Variants in ITPR1 observed in about 807,000 individuals in gnomAD.
The protein encoded by ITPR1 is inositol 1,4,5-trisphosphate-gated calcium channel ITPR1.
ITPR1 carries 96 observed loss-of-function variants against 318.4 expected under a neutral mutation model. The observed-to-expected ratio is 0.30, with a 90% confidence interval of 0.26 to 0.36. ITPR1 has a LOEUF of 0.36. Ranked by LOEUF, ITPR1 falls within the 10% of genes least tolerant of loss-of-function variation. The probability of loss-of-function intolerance (pLI) is 1.00; values close to 1 mark genes in which losing one functional copy is unlikely to be tolerated. For synonymous variants in ITPR1, 1,312 were observed against 1,289.9 expected (o/e 1.02, Z -0.37); for missense variants, 2,440 against 3,460.2 (o/e 0.71, Z 7.40).
chr3:4,614,124 G>A (rs1466311476), intron 4 of ITPR1, among the ~76,000 whole-genome samples: 2 of 152,204 alleles, frequency 1.3e-5, no homozygotes, highest in Admixed American at 1.3e-4. Context: ...AAATTAGCCA[G>A]GCGTGGCAGT....
chr3:4,696,013 C>G (rs1055042514), intron 33 of ITPR1, among the ~76,000 whole-genome samples: 1 of 152,184 alleles, frequency 6.6e-6, no homozygotes, highest in Non-Finnish European at 1.5e-5. Context: ...CATTCCTCCT[C>G]CCAACCCTGC....
chr3:4,534,338 G>C (rs1344596559), intron 4 of ITPR1, among the ~76,000 whole-genome samples: 1 of 152,044 alleles, frequency 6.6e-6, no homozygotes, highest in African/African-American at 2.4e-5. Flanking sequence ...TAGCTCCCCC[G>C]GTGGCGGCTA....
chr3:4,690,827 A>T (rs2094469121), intron 31 of ITPR1, among the ~76,000 whole-genome samples: 1 of 152,224 alleles, frequency 6.6e-6, no homozygotes, highest in Non-Finnish European at 1.5e-5. Context: ...ATAAGTCAAA[A>T]TAGTAGTTAA....
chr3:4,676,905 TGGG>T, intron 24 of ITPR1, 104 bp downstream of exon 24: 5 of 825,552 alleles, frequency 6.1e-6, no homozygotes, highest in Middle Eastern at 3.7e-4. Flanking sequence ...GGGAAGAAAA[TGGG>T]GGCAAATCCT....
At position 4,800,431 on chromosome 3, in the gene ITPR1, T is replaced by G; in HGVS notation, c.6938T>G (p.Leu2313Arg). Residue 2313 changes from leucine to arginine, a missense_variant, in exon 54 of 62, where the codon CTG (leucine) becomes CGG (arginine). Transcript: ENST00000649015. ...YPFKGVRGGTLEPHWSGLLWT... is the reference protein window; with the variant it reads ...YPFKGVRGGTREPHWSGLLWT... The stretch of plus-strand genomic sequence containing the variant: ...CCCTGTTTTGTCCTTGCAGGAACCC[T>G]GGAGCCCCACTGGTCGGGACTCCTG... 1 of 1,613,680 alleles carries G rather than the reference T, an allele frequency of 6.2e-7. No homozygotes were observed.
chr3:4,816,128 T>C (rs1174805768), intron 59 of ITPR1: 1 of 152,150 alleles, frequency 6.6e-6, no homozygotes, highest in Non-Finnish European at 1.5e-5. Flanking sequence ...ATTATCAAAA[T>C]TGGGAAATTA....
rs1043921033 is a variant in ITPR1, at chr3:4,826,156, C to T, written c.8028+7914C>T. Among the ~76,000 whole-genome samples, 2 of 152,240 alleles carry T rather than the reference C, an allele frequency of 1.3e-5. No homozygotes were observed. The highest frequency in any genetic ancestry group is 2.9e-5 in the Non-Finnish European group (2 of 68,050). Reference sequence around the variant, plus strand: ...GGCTGTTGATAAAGTGCCGTGGACACCTTCTGCTTCGTGCAGATGCACGAT... The same window carrying T: ...GGCTGTTGATAAAGTGCCGTGGACATCTTCTGCTTCGTGCAGATGCACGAT... On this transcript the variant is annotated intron_variant, in intron 60 of 61. Coordinates refer to ENST00000649015, the MANE Select transcript of ITPR1 (RefSeq NM_001378452.1). The surrounding 1 kb of genome is among the most constrained non-coding windows in gnomAD (Gnocchi z 4.2).
At chr3:4,568,563 G>A (rs553517882) in intron 4 of ITPR1, among the ~76,000 whole-genome samples, 40 of 152,276 alleles carry the variant, frequency 2.6e-4, no homozygotes, top group African/African-American at 7.5e-4. Flanking sequence ...AGAAGGCAGG[G>A]ATGGCTTCAA....
At chr3:4,713,642 A>G (rs528918588) in intron 39 of ITPR1, among the ~76,000 whole-genome samples, 51 of 152,368 alleles carry the variant, frequency 3.3e-4, no homozygotes, top group Non-Finnish European at 6.0e-4. Flanking sequence ...AATGCATGTT[A>G]TAAAGCTCAT....
chr3:4,634,609 A>T (rs897192518), intron 5 of ITPR1, among the ~76,000 whole-genome samples: 8 of 152,248 alleles, frequency 5.3e-5, no homozygotes, highest in Non-Finnish European at 1.2e-4. Context: ...ATCTGTGAGT[A>T]GGAAAAGCAA....
chr3:4,575,461 A>T (rs1485228754), intron 4 of ITPR1, among the ~76,000 whole-genome samples: 1 of 152,196 alleles, frequency 6.6e-6, no homozygotes, highest in Non-Finnish European at 1.5e-5. Context: ...AAATTTATTA[A>T]ATATCATCAC....
Position 4,613,945 on chromosome 3 carries a change from T to G in ITPR1, c.164-13818T>G, listed in dbSNP as rs1004057740. ...TTTCCAGTCCCCAAGAAGGTGCTTC[T>G]TTCCAGAAAATACCACCTCCACCTC... On this transcript the variant is annotated intron_variant, in intron 4 of 61. Coordinates refer to ENST00000649015, the MANE Select transcript of ITPR1 (RefSeq NM_001378452.1). Among the ~76,000 whole-genome samples the G allele has an allele frequency of 4.6e-5, 7 of 152,194 alleles. No homozygotes were observed. The East Asian group carries it at 1.3e-3, about 29-fold the overall frequency.
intron 55 of ITPR1, among the ~76,000 whole-genome samples, chr3:4,810,915 G>A (rs1194532217): frequency 6.6e-6 from 1 of 152,196 alleles, no homozygotes; most frequent in Non-Finnish European, 1.5e-5. Context: ...ACTCAATTCA[G>A]TACCTTCTAA....
chr3:4,668,040 C>G (rs553248637), intron 18 of ITPR1, among the ~76,000 whole-genome samples: 1 of 151,980 alleles, frequency 6.6e-6, no homozygotes, highest in African/African-American at 2.4e-5. Context: ...GGTATCCATC[C>G]CCTCAAACAT....
In ITPR1 at chr3:4,846,315, C is replaced by T; in HGVS notation, c.*90C>T. ...AGTTCTGATTCACCCACGAAGGTTA[C>T]ATTTATGCTGAATACATTTGTAAAT... On this transcript the variant is annotated 3_prime_UTR_variant, in exon 62 of 62. Coordinates refer to ENST00000649015, the MANE Select transcript of ITPR1 (RefSeq NM_001378452.1). The T allele has an allele frequency of 1.2e-6, 1 of 803,302 alleles. No homozygotes were observed. The highest frequency in any genetic ancestry group is 2.7e-5 in the East Asian group (1 of 36,826). 49.8% of individuals were successfully genotyped at this position (803,302 alleles called of 1,614,324 possible). A position where few individuals can be genotyped will look rare whatever the true frequency, so the allele number is the denominator to read the frequency against.
chr3:4,775,579 G>A, intron 47 of ITPR1, 137 bp downstream of exon 47: 1 of 650,778 alleles, frequency 1.5e-6, no homozygotes, highest in Non-Finnish European at 2.7e-6. Context: ...TCTTCCAGCA[G>A]TTGAGAAATA....
intron 4 of ITPR1, among the ~76,000 whole-genome samples, chr3:4,536,944 G>C (rs1403376320): frequency 1.5e-5 from 2 of 133,370 alleles, no homozygotes; most frequent in African/African-American, 6.7e-5. Context: ...CTAAACAAAA[G>C]GGGGATTTTT....
At chr3:4,658,850 C>T (rs2093769987) in intron 13 of ITPR1, among the ~76,000 whole-genome samples, 1 of 151,984 alleles carries the variant, frequency 6.6e-6, no homozygotes, top group Non-Finnish European at 1.5e-5. Flanking sequence ...ACAACAGAAT[C>T]AACAATATTA....
chr3:4,838,895 C>T (rs148454730), intron 61 of ITPR1, among the ~76,000 whole-genome samples: 8 of 152,352 alleles, frequency 5.3e-5, no homozygotes, highest in African/African-American at 1.9e-4. Flanking sequence ...CCTCCCTACA[C>T]TATCTGTCCT....
Sources: allele counts gnomAD v4.1 joint callset (sites outside exome capture counted in the v4.1 genomes callset), GRCh38; gene constraint gnomAD v4.1.1; non-coding constraint Gnocchi (gnomAD v3.1); transcripts MANE v1.5; gene names NCBI Gene and HGNC (gene_info 2026-07-23, HGNC 2026-07-21).